The following MUC6 variants were observed in gnomAD, a reference collection of about 807,000 sequenced individuals.
MUC6 encodes the protein mucin 6, oligomeric mucus/gel-forming (gene/pseudogene).
A neutral mutation model predicts 201.5 loss-of-function variants in MUC6; 188 were observed. That is an observed-to-expected ratio of 0.93 (90% CI 0.83 to 1.05). The LOEUF is 1.05. MUC6 is among the 50% of genes least tolerant of loss of function. The pLI is 0.00. For synonymous variants in MUC6, 1,228 were observed against 1,389.4 expected (o/e 0.88, Z 2.58); for missense variants, 2,706 against 3,256.9 (o/e 0.83, Z 4.12).
chr11:1,030,347 C>T lies in MUC6; in HGVS notation c.893-12G>A, dbSNP rs374499688. 3.3e-5 allele frequency: 51 copies of T among 1,546,546 alleles called. No individual in the cohort carries two copies. The highest frequency in any genetic ancestry group is 6.0e-5 in the South Asian group (5 of 83,872). ...GCACTGACCCACGGCTGTGGGCACA[C>T]GCGGCTCCGGTGAGAGGGTCCCACC... On this transcript the variant is annotated splice_polypyrimidine_tract_variant and intron_variant, in intron 7 of 32. Transcript: ENST00000421673.
intron 29 of MUC6, chr11:1,019,871 C>G (rs1176156843): frequency 1.4e-6 from 1 of 713,030 alleles, no homozygotes; most frequent in Non-Finnish European, 2.4e-6. Flanking sequence ...GTGACAGCAG[C>G]CAGCAGCAAG....
At chr11:1,024,570 C>T (rs116442588) in intron 24 of MUC6, among the ~76,000 whole-genome samples, 4,293 of 152,280 alleles carry the variant, frequency 0.028, 217 homozygotes, top group African/African-American at 0.096. Flanking sequence ...GCCCACCAGG[C>T]GATGCTGCCC....
intron 5 of MUC6, 36 bp downstream of exon 5, chr11:1,031,133 C>T: frequency 2.2e-6 from 1 of 457,178 alleles, no homozygotes; most frequent in Non-Finnish European, 3.7e-6. Flanking sequence ...CACCTAGAGG[C>T]CCCCCCAGAG....
chr11:1,021,319 G>T, intron 26 of MUC6, 42 bp from the exon 27 acceptor site: 1 of 1,400,524 alleles, frequency 7.1e-7, no homozygotes, highest in Non-Finnish European at 9.5e-7. Flanking sequence ...CTGGTGGCCA[G>T]CCAGGCCCAC....
Position 1,027,436 on chromosome 11 carries a change from G to A in MUC6, c.2063C>T (p.Ala688Val), listed in dbSNP as rs201288193. The change falls in exon 17 of 33, where the codon GCC (alanine) becomes GTC (valine). Residue 688 changes from alanine to valine, a missense_variant. Ala to Val is a moderately conservative substitution (Grantham distance 64, BLOSUM62 0). This residue lies in a region of MUC6 where 1,850 missense variants were observed against 1,958.3 expected (regional missense o/e 0.94). Coordinates refer to ENST00000421673, the MANE Select transcript of MUC6 (RefSeq NM_005961.3). ...CACGGCGCTGTGGTGGCACTCGGTG[G>A]CACGGTCCGACAGCGACAGGCAGGT... is the stretch of plus-strand genomic sequence containing the variant. ...ERTCLSLSDR[A>V]TECHHSAVPV... 151 of 1,612,788 alleles carry A rather than the reference G, an allele frequency of 9.4e-5. 1 individual carries two copies. The African/African-American group carries it at 1.8e-3, about 19-fold the overall frequency.
At chr11:1,021,582 G>T (rs1214446100) in intron 26 of MUC6, among the ~76,000 whole-genome samples, 1 of 152,062 alleles carries the variant, frequency 6.6e-6, no homozygotes, top group African/African-American at 2.4e-5. Context: ...CGTTGGCCAG[G>T]CTGGTCTCAA....
chr11:1,016,311 A>G lies in MUC6; in HGVS notation c.6490T>C (p.Ser2164Pro), dbSNP rs1856609041. ...TSSPSVGTSS[S>P]FVSAPVHSTT... Reference sequence around the variant, plus strand: ...GAGTGCACGGGGGCGGACACGAAAGAGGAAGATGTGCCAACAGAAGGCGAT... The same window carrying G: ...GAGTGCACGGGGGCGGACACGAAAGGGGAAGATGTGCCAACAGAAGGCGAT... The change falls in exon 31 of 33, where the codon TCT becomes CCT. Residue 2164 changes from serine to proline, a missense_variant. By Grantham distance (74) the Ser-to-Pro change is moderately conservative (BLOSUM62 -1). This residue lies in a region of MUC6 where 586 missense variants were observed against 488.0 expected (regional missense o/e 1.20). Transcript: ENST00000421673. 3 of 1,611,716 alleles carry G rather than the reference A, an allele frequency of 1.9e-6. No homozygotes were observed. The highest frequency in any genetic ancestry group is 2.5e-6 in the Non-Finnish European group (3 of 1,179,076).
intron 11 of MUC6, 36 bp downstream of exon 11, chr11:1,029,010 C>CCTTCCTA (rs776546573): frequency 1.1e-5 from 17 of 1,612,812 alleles, no homozygotes; most frequent in Middle Eastern, 1.6e-4. Flanking sequence ...GGGAGCGGAG[C>CCTTCCTA]CCTGCTGGCA....
At chr11:1,026,300 G>C in intron 20 of MUC6, 27 bp downstream of exon 20, 1 of 1,556,238 alleles carries the variant, frequency 6.4e-7, no homozygotes, top group Non-Finnish European at 8.7e-7. Context: ...AGGAGCCCAG[G>C]GCGTCTGAAG....
At chr11:1,031,089 G>T (rs373033946) in intron 5 of MUC6, 33 bp from the exon 6 acceptor site, 6 of 1,545,878 alleles carry the variant, frequency 3.9e-6, no homozygotes, top group Non-Finnish European at 5.2e-6. Flanking sequence ...GCACCGTGGG[G>T]GCTGGGCCTC....
In MUC6 at chr11:1,031,246, C is replaced by A. The variant is rs371792590; in HGVS notation, c.497G>T (p.Arg166Leu). 1 of 1,575,358 alleles carries A rather than the reference C, an allele frequency of 6.3e-7. No individual in the cohort carries two copies. The highest frequency in any genetic ancestry group is 1.2e-5 in the South Asian group (1 of 85,262). ...PDSHLMVLVERKYMGQMCGLC... is the reference protein window; with the variant it reads ...PDSHLMVLVELKYMGQMCGLC... ...CCCGCACATCTGACCCATGTACTTC[C>A]GCTCCACCAGAACCTGCGGGAGACG... Residue 166 changes from arginine (R) to leucine (L), a missense_variant, in exon 5 of 33, where the codon CGG becomes CTG. Around this residue, in one of 10 missense-constraint regions of MUC6, gnomAD observed 1,850 missense variants for 1,958.3 expected, o/e 0.94. Transcript: ENST00000421673.
rs1157435855 is a variant in MUC6 at position 1,030,679 on chromosome 11, G to A, written c.786C>T (p.Pro262=). 1 of 1,549,926 alleles carries A rather than the reference G, an allele frequency of 6.5e-7. No homozygotes were observed. The change falls in exon 7 of 33, where the codon CCC becomes CCT. Residue 262 remains proline (P), a synonymous_variant. Transcript: ENST00000421673. ...AACTGCTGTTCTGTGGGCCTGGCTG[G>A]GGGGCTGCGGCCACGTCCGCCTGGC... ...LSCQADVAAA[P]QPGPQNSSCA...
intron 1 of MUC6, among the ~76,000 whole-genome samples, chr11:1,036,121 C>T (rs1289338762): frequency 4.6e-5 from 7 of 152,052 alleles, no homozygotes; most frequent in Admixed American, 3.9e-4. Context: ...CCCCCCACGG[C>T]GGCCACACCA....
chr11:1,024,817 C>G (rs770264825), intron 24 of MUC6, 27 bp downstream of exon 24: 1 of 1,595,898 alleles, frequency 6.3e-7, no homozygotes. Context: ...GAGGGGCAGG[C>G]GCACAGCCCT....
At chr11:1,030,366 TC>T in intron 7 of MUC6, 31 bp from the exon 8 acceptor site, 1 of 1,489,592 alleles carries the variant, frequency 6.7e-7, no homozygotes, top group Non-Finnish European at 9.1e-7. Context: ...GGTGAGAGGG[TC>T]CCACCCCCCC....
In MUC6 at chr11:1,019,357, G is replaced by T. The variant is rs1278970228; in HGVS notation, c.3948C>A (p.Ala1316=). 1.2e-6 allele frequency: 2 copies of T among 1,613,836 alleles called. No homozygotes were observed. The highest frequency in any genetic ancestry group is 1.7e-6 in the Non-Finnish European group (2 of 1,179,756). ...TTGTGGACTGAGCTGTGGACGTCGT[G>T]GCTGGGCTGGCGGTCGACGCCGTGG... is the stretch of plus-strand genomic sequence containing the variant. ...TRATASTASP[A]TTSTAQSTTR... is the part of the protein sequence containing the mutation. The change falls in exon 30 of 33, where the codon GCC becomes GCA. Residue 1316 remains alanine, a synonymous_variant. Transcript: ENST00000421673.
At position 1,031,036 on chromosome 11, in the gene MUC6, T is replaced by C; in HGVS notation, c.595A>G (p.Lys199Glu). ...SEEGKFLEPHKFAALQKLDDP... is the reference protein window; with the variant it reads ...SEEGKFLEPHEFAALQKLDDP... The stretch of plus-strand genomic sequence containing the variant: ...TCCAGCTTCTGGAGGGCAGCAAACT[T>C]GTGGGGTTCCAGGAACTTGCCTGGG... The change falls in exon 6 of 33, where the codon AAG (lysine) becomes GAG (glutamate). Residue 199 changes from lysine (K) to glutamate (E), a missense_variant. Physicochemically the swap from Lys to Glu is moderately conservative, Grantham distance 56. This residue lies in a region of MUC6 where 1,850 missense variants were observed against 1,958.3 expected (regional missense o/e 0.94). Transcript: ENST00000421673. 1 of 1,573,342 alleles carries C rather than the reference T, an allele frequency of 6.4e-7. No homozygotes were observed. The highest frequency in any genetic ancestry group is 8.6e-7 in the Non-Finnish European group (1 of 1,161,596).
At chr11:1,035,418 G>A (rs2133840687) in intron 1 of MUC6, among the ~76,000 whole-genome samples, 1 of 152,318 alleles carries the variant, frequency 6.6e-6, no homozygotes, top group Admixed American at 6.5e-5. Context: ...GGTAGGGGCT[G>A]GGGTCCCAAG....
chr11:1,030,366 T>TGGCCCCCCCCCCCCCCC, intron 7 of MUC6, 31 bp from the exon 8 acceptor site: 1 of 1,489,588 alleles, frequency 6.7e-7, no homozygotes, highest in Non-Finnish European at 9.1e-7. Flanking sequence ...GGTGAGAGGG[T>TGGCCCCCCCCCCCCCCC]CCCACCCCCC....
Sources: allele counts gnomAD v4.1 joint callset (sites outside exome capture counted in the v4.1 genomes callset), GRCh38; gene constraint gnomAD v4.1.1; regional missense constraint gnomAD v4.1.1; transcripts MANE v1.5; gene names NCBI Gene and HGNC (gene_info 2026-07-23, HGNC 2026-07-21).